Variants in TNKS observed in about 807,000 individuals in gnomAD.
TNKS encodes poly [ADP-ribose] polymerase tankyrase-1.
In TNKS, 72 loss-of-function variants were observed where a neutral mutation model predicts 135.8. The observed-to-expected ratio is 0.53, with a 90% CI of 0.44 to 0.64. The LOEUF is 0.64. Ranked by LOEUF, TNKS falls within the 30% of genes least tolerant of loss-of-function variation. The pLI is 0.00. For synonymous variants in TNKS, 849 were observed against 649.3 expected (o/e 1.31, Z -4.68); for missense variants, 1,769 against 1,674.0 (o/e 1.06, Z -0.99).
chr8:9,761,316 C>G (rs1206470192), intron 20 of TNKS, among the ~76,000 whole-genome samples, 200 bp from the exon 21 acceptor site: 2 of 152,056 alleles, frequency 1.3e-5, no homozygotes. Flanking sequence ...AAAAGCAAAT[C>G]AAAGAGTACT....
intron 2 of TNKS, among the ~76,000 whole-genome samples, chr8:9,600,191 G>T (rs1032878740): frequency 3.9e-5 from 6 of 152,184 alleles, no homozygotes. Flanking sequence ...TCTAGCCTGT[G>T]CAGTTTGGCC....
At chr8:9,655,471 G>A (rs1180714836) in intron 3 of TNKS, among the ~76,000 whole-genome samples, 1 of 152,216 alleles carries the variant, frequency 6.6e-6, no homozygotes, top group Non-Finnish European at 1.5e-5. Flanking sequence ...CCCCCGAGTA[G>A]CCTAACTGGG....
intron 17 of TNKS, among the ~76,000 whole-genome samples, chr8:9,741,306 T>C (rs1805946412): frequency 6.6e-6 from 1 of 152,166 alleles, no homozygotes; most frequent in Non-Finnish European, 1.5e-5. Context: ...TCTGTAAACT[T>C]ACTATGAGTA....
chr8:9,696,149 A>G (rs1209754837), intron 5 of TNKS, among the ~76,000 whole-genome samples: 2 of 152,212 alleles, frequency 1.3e-5, no homozygotes, highest in Non-Finnish European at 2.9e-5. Flanking sequence ...ATTTAAAGCT[A>G]CAAGACTGCA....
intron 3 of TNKS, among the ~76,000 whole-genome samples, chr8:9,641,481 A>T (rs543186626): frequency 6.9e-6 from 1 of 145,604 alleles, no homozygotes; most frequent in South Asian, 2.2e-4. Flanking sequence ...ATAAGAGTCA[A>T]TAAAAATACT....
At chr8:9,763,661 A>G (rs1807268241) in intron 22 of TNKS, among the ~76,000 whole-genome samples, 2 of 152,138 alleles carry the variant, frequency 1.3e-5, no homozygotes, top group Admixed American at 1.3e-4. Context: ...CCTAATCGTC[A>G]CGTATGCTTC....
chr8:9,619,609 A>C (rs1799786399), intron 3 of TNKS, among the ~76,000 whole-genome samples: 1 of 152,114 alleles, frequency 6.6e-6, no homozygotes. Flanking sequence ...AGAATAAATT[A>C]GCTTTAACCT....
chr8:9,594,596 A>T (rs925620230), intron 2 of TNKS, among the ~76,000 whole-genome samples: 1 of 152,184 alleles, frequency 6.6e-6, no homozygotes, highest in Admixed American at 6.5e-5. Flanking sequence ...CATATTATTT[A>T]TTTATTTTTC....
At chr8:9,589,246 A>G (rs573382906) in intron 2 of TNKS, among the ~76,000 whole-genome samples, 2 of 152,334 alleles carry the variant, frequency 1.3e-5, no homozygotes, top group East Asian at 3.9e-4. Context: ...ATTCTGGGCC[A>G]AGGGTAGCAG....
chr8:9,649,878 C>CTTTTTTTTTTTTTTTTTTTTTTTTTTTT (rs71201959), intron 3 of TNKS, among the ~76,000 whole-genome samples: 3 of 83,364 alleles, frequency 3.6e-5, no homozygotes, highest in African/African-American at 1.6e-4. Flanking sequence ...CTTTTCTTTT[C>CTTTTTTTTTTTTTTTTTTTTTTTTTTTT]TTTTTTTTTT....
At chr8:9,676,307 C>G (rs907443022) in intron 3 of TNKS, among the ~76,000 whole-genome samples, 5 of 152,138 alleles carry the variant, frequency 3.3e-5, no homozygotes, top group African/African-American at 1.2e-4. Flanking sequence ...GCCACCATGC[C>G]TGGCCCAGAA....
In TNKS at chr8:9,595,328, A is replaced by G. The variant is rs577396931; in HGVS notation, c.898+14945A>G. ...AGCATTTTCATAAAAAACAAAGATG[A>G]CAAAATTCCATACTTGTATCCTTAA... is the stretch of plus-strand genomic sequence containing the variant. On this transcript the variant is annotated intron_variant, in intron 2 of 26. Transcript: ENST00000310430. Among the ~76,000 whole-genome samples the G allele has an allele frequency of 1.7e-4, 26 of 152,172 alleles. No homozygotes were observed. The East Asian group carries it at 5.0e-3, about 29-fold the overall frequency.
intron 2 of TNKS, among the ~76,000 whole-genome samples, chr8:9,603,227 A>G (rs1216822569): frequency 6.6e-6 from 1 of 151,954 alleles, no homozygotes; most frequent in Admixed American, 6.6e-5. Flanking sequence ...TACTTTTTTT[A>G]TTTTGGGTAG....
chr8:9,720,472 C>T lies in TNKS; in HGVS notation c.1848C>T (p.Asp616=). The change falls in exon 12 of 27, where the codon GAC becomes GAT. Residue 616 remains aspartate (D), a synonymous_variant. Coordinates refer to ENST00000310430, the MANE Select transcript of TNKS (RefSeq NM_003747.3). ...TCRLLLSYGS[D]PSIISLQGFT... is the part of the protein sequence containing the mutation. The stretch of plus-strand genomic sequence containing the variant: ...GCCTCCTGCTGAGTTACGGCTCTGA[C>T]CCCTCCATCATCTCCTTACAAGGCT... 2 of 1,614,104 alleles carry T rather than the reference C, an allele frequency of 1.2e-6. No homozygotes were observed. Among genetic ancestry groups the T allele is most frequent in the Non-Finnish European group, 1.7e-6 (2 of 1,179,998 alleles).
intron 11 of TNKS, among the ~76,000 whole-genome samples, chr8:9,717,072 A>ATACATATATATATATATATAT (rs376229840): frequency 2.5e-5 from 2 of 79,460 alleles, no homozygotes; most frequent in African/African-American, 4.6e-5. Flanking sequence ...GTTGTATTAT[A>ATACATATATATATATATATAT]ATATATATAT....
At chr8:9,705,858 T>G (rs1018138557) in intron 6 of TNKS, among the ~76,000 whole-genome samples, 1 of 152,240 alleles carries the variant, frequency 6.6e-6, no homozygotes, top group Non-Finnish European at 1.5e-5. Context: ...GGTGGAATAT[T>G]TCAGTTCACT....
At position 9,764,713 on chromosome 8, in the gene TNKS, T is replaced by C. The variant is rs1466073029; in HGVS notation, c.3373-3T>C. 2.5e-6 allele frequency: 4 copies of C among 1,592,048 alleles called. No homozygotes were observed. The highest frequency in any genetic ancestry group is 3.6e-5 in the Admixed American group (2 of 55,136). On this transcript the variant is annotated splice_polypyrimidine_tract_variant and splice_region_variant and intron_variant, in intron 22 of 26. Transcript: ENST00000310430. ...TTATAAAATTAGTTATTTTGTTCTG[T>C]AGATGCAAAGTACTATTCGAGAACA...
At chr8:9,667,685 A>G (rs28452227) in intron 3 of TNKS, among the ~76,000 whole-genome samples, 4,719 of 152,268 alleles carry the variant, frequency 0.031, 177 homozygotes, top group African/African-American at 0.093. Flanking sequence ...TTTCCTCAAG[A>G]AGCACCAATT....
intron 3 of TNKS, among the ~76,000 whole-genome samples, chr8:9,660,133 T>G (rs1801624337): frequency 6.6e-6 from 1 of 152,176 alleles, no homozygotes; most frequent in Non-Finnish European, 1.5e-5. Context: ...ACCAGATGGA[T>G]TCACAGCCGA....
Sources: allele counts gnomAD v4.1 joint callset (sites outside exome capture counted in the v4.1 genomes callset), GRCh38; gene constraint gnomAD v4.1.1; transcripts MANE v1.5; gene names NCBI Gene and HGNC (gene_info 2026-07-23, HGNC 2026-07-21).